The following MYO15A variants were observed in gnomAD, a reference collection of about 807,000 sequenced individuals.
The protein encoded by MYO15A is unconventional myosin-XV.
MYO15A carries 308 observed loss-of-function variants against 394.6 expected under a neutral mutation model. The observed-to-expected ratio is 0.78, with a 90% CI of 0.71 to 0.86. The LOEUF is 0.86. Ranked by LOEUF, MYO15A falls within the 40% of genes least tolerant of loss-of-function variation. The pLI, the probability that MYO15A is intolerant of heterozygous loss-of-function variation, is 0.00. For synonymous variants in MYO15A, 1,957 were observed against 2,003.8 expected (o/e 0.98, Z 0.62); for missense variants, 4,606 against 4,799.1 (o/e 0.96, Z 1.19).
chr17:18,119,543 G>A lies in MYO15A; in HGVS notation c.743G>A (p.Arg248Gln), dbSNP rs562862820. The change falls in exon 2 of 66, where the codon CGG (arginine) becomes CAG (glutamine). Residue 248 changes from arginine to glutamine, a missense_variant. Coordinates refer to ENST00000647165, the MANE Select transcript of MYO15A (RefSeq NM_016239.4). ...CGCGACGGCGACGACTACTACGACC[G>A]GCAGTCACTCCACCGCTACGAGGAG... Reference protein sequence around the residue: ...YHRDGDDYYDRQSLHRYEEQE... With the variant: ...YHRDGDDYYDQQSLHRYEEQE... 2.5e-6 allele frequency: 4 copies of A among 1,608,754 alleles called. No homozygotes were observed. Among genetic ancestry groups the A allele is most frequent in the Non-Finnish European group, 2.5e-6 (3 of 1,179,962 alleles).
chr17:18,167,721 C>A lies in MYO15A; in HGVS notation c.10080C>A (p.Ser3360Arg). 1 of 1,602,920 alleles carries A rather than the reference C, an allele frequency of 6.2e-7. No homozygotes were observed. Among genetic ancestry groups the A allele is most frequent in the Non-Finnish European group, 8.5e-7 (1 of 1,179,928 alleles). ...HRAKDHFYLP[S>R]VREVQEYIPA... ...CCAAGGACCACTTCTACCTGCCGAG[C>A]GTGTGAGCATCTGCCCTCCTGCCTC... Residue 3360 changes from serine to arginine, a missense_variant and splice_region_variant, in exon 62 of 66, where the codon AGC becomes AGA. Around this residue, in one of 2 missense-constraint regions of MYO15A, gnomAD observed 2,776 missense variants for 3,109.3 expected, o/e 0.89. Transcript: ENST00000647165.
At chr17:18,130,438 G>A (rs1382418911) in intron 7 of MYO15A, among the ~76,000 whole-genome samples, 1 of 151,890 alleles carries the variant, frequency 6.6e-6, no homozygotes, top group Non-Finnish European at 1.5e-5. Context: ...GCAGGTGCGT[G>A]GGAGCAGTGA....
intron 12 of MYO15A, 127 bp downstream of exon 12, chr17:18,133,513 T>A (rs2142307981): frequency 7.6e-7 from 1 of 1,312,520 alleles, no homozygotes; most frequent in African/African-American, 1.5e-5. Context: ...TTTTTTCTTT[T>A]TTCCTTTGGG....
intron 1 of MYO15A, among the ~76,000 whole-genome samples, chr17:18,115,905 T>C (rs1266170883): frequency 6.6e-6 from 1 of 152,178 alleles, no homozygotes; most frequent in Admixed American, 6.5e-5. Flanking sequence ...CAACCCCACT[T>C]CTTGCTGTCC....
intron 60 of MYO15A, chr17:18,164,166 A>C (rs1388346493): frequency 2.5e-6 from 1 of 394,162 alleles, no homozygotes; most frequent in Admixed American, 3.7e-5. Context: ...ATAGCGCCGC[A>C]TATTATGGAA....
Position 18,166,309 on chromosome 17 carries a change from CAT to C in MYO15A, c.9788-51_9788-50del, listed in dbSNP as rs978252081. The C allele has an allele frequency of 2.5e-4, 394 of 1,601,518 alleles. 1 individual carries two copies. The highest frequency in any genetic ancestry group is 3.1e-4 in the South Asian group (28 of 90,964). Reference sequence around the variant, plus strand: ...CACACATGCTCTGTACAGGTGCACACATGTGTGTGCACACATGCCCCCACCCA... The same window carrying C: ...CACACATGCTCTGTACAGGTGCACACGTGTGTGCACACATGCCCCCACCCA... On this transcript the variant is annotated intron_variant, in intron 60 of 65. Coordinates refer to ENST00000647165, the MANE Select transcript of MYO15A (RefSeq NM_016239.4).
intron 7 of MYO15A, among the ~76,000 whole-genome samples, chr17:18,128,907 T>G (rs561672280): frequency 1.3e-5 from 2 of 152,122 alleles, no homozygotes; most frequent in East Asian, 1.9e-4. Flanking sequence ...ACACAGAATG[T>G]GTGAGGATGT....
At chr17:18,162,700 G>A in intron 58 of MYO15A, 21 bp downstream of exon 58, 3 of 1,612,314 alleles carry the variant, frequency 1.9e-6, no homozygotes, top group Non-Finnish European at 2.5e-6. Context: ...GGTGGGAGTG[G>A]GTTCAAAATG....
chr17:18,178,496 A>AG (rs994049300), intron 65 of MYO15A: 32 of 574,338 alleles, frequency 5.6e-5, no homozygotes, highest in Non-Finnish European at 9.9e-5. Flanking sequence ...AGAGAGGTGA[A>AG]GCGATAGACC....
In MYO15A at chr17:18,153,781, C is replaced by T. The variant is rs776851047; in HGVS notation, c.7973C>T (p.Pro2658Leu). Reference sequence around the variant, plus strand: ...TGATCCCCGCGCTCTCCAGCTCTGCCCTCGCGATCGCTGGAGCCCCCTGAG... The same window carrying T: ...TGATCCCCGCGCTCTCCAGCTCTGCTCTCGCGATCGCTGGAGCCCCCTGAG... ...RPSMAPTSAL[P>L]SRSLEPPEEL... The change falls in exon 43 of 66, where the codon CCC becomes CTC. Residue 2658 changes from proline (P) to leucine (L), a missense_variant. Transcript: ENST00000647165. This position sits in a 1 kb window ranked among gnomAD's most constrained non-coding sequence, Gnocchi z 4.1. 3 of 1,613,634 alleles carry T rather than the reference C, an allele frequency of 1.9e-6. No individual in the cohort carries two copies. In the Admixed American group the frequency reaches 5.0e-5, roughly 27 times the overall value.
chr17:18,141,044 T>C lies in MYO15A; in HGVS notation c.5432T>C (p.Val1811Ala), dbSNP rs1040772196. The C allele has an allele frequency of 8.7e-6, 14 of 1,613,904 alleles. No homozygotes were observed. In the African/African-American group the frequency reaches 1.2e-4, roughly 14 times the overall value. Residue 1811 changes from valine to alanine, a missense_variant, in exon 22 of 66, where the codon GTG becomes GCG. By Grantham distance (64) the Val-to-Ala change is moderately conservative. Transcript: ENST00000647165. ...KKEPGLFEPDVVMAQLRYSGV... is the reference protein window; with the variant it reads ...KKEPGLFEPDAVMAQLRYSGV... ...GAGCCAGGTCTCTTTGAGCCAGATG[T>C]GGTAATGGCACAATTACGCTATTCA...
intron 57 of MYO15A, 58 bp from the exon 58 acceptor site, chr17:18,162,527 C>A: frequency 6.6e-7 from 1 of 1,505,748 alleles, no homozygotes; most frequent in Non-Finnish European, 9.2e-7. Flanking sequence ...GCAAGAGGAG[C>A]GAGCCCCTTT....
intron 4 of MYO15A, 62 bp downstream of exon 4, chr17:18,125,293 C>A: frequency 6.7e-7 from 1 of 1,494,850 alleles, no homozygotes; most frequent in Non-Finnish European, 9.3e-7. Context: ...CTCCTGGGGC[C>A]GGGTGGGACG....
intron 63 of MYO15A, 152 bp from the exon 64 acceptor site, chr17:18,172,005 T>C: frequency 7.1e-7 from 1 of 1,403,828 alleles, no homozygotes; most frequent in Non-Finnish European, 9.8e-7. Flanking sequence ...GAAGAGGCCA[T>C]GAGAAGGGAG....
At position 18,171,321 on chromosome 17, in the gene MYO15A, C is replaced by T. The variant is rs138345327; in HGVS notation, c.10083-317C>T. ...ATGAAGGATGAAATTGCCTTGGGTT[C>T]ACATCTTGCCCCCACCAACCCATGC... On this transcript the variant is annotated intron_variant, in intron 62 of 65. Coordinates refer to ENST00000647165, the MANE Select transcript of MYO15A (RefSeq NM_016239.4). 4.8e-4 allele frequency among the ~76,000 whole-genome samples: 73 copies of T among 152,332 alleles called. No individual in the cohort carries two copies. The Middle Eastern group carries it at 0.017, about 35-fold the overall frequency.
Position 18,119,606 on chromosome 17 carries a change from CG to C in MYO15A, c.808del (p.Ala270ProfsTer174). 1 of 1,603,894 alleles carries C rather than the reference CG, an allele frequency of 6.2e-7. No individual in the cohort carries two copies. ...PYLAGLGPYS[P>X]AWPPYGDHYY... is the part of the protein sequence containing the mutation. ...CTGGCGGGCCTCGGCCCCTACAGCCCGGCCTGGCCACCCTACGGCGACCACT... is the reference window on the plus strand; with the variant it reads ...CTGGCGGGCCTCGGCCCCTACAGCCCGCCTGGCCACCCTACGGCGACCACT... On this transcript the variant is annotated frameshift_variant, in exon 2 of 66. Coordinates refer to ENST00000647165, the MANE Select transcript of MYO15A (RefSeq NM_016239.4). LOFTEE classifies it high-confidence loss of function.
At position 18,173,796 on chromosome 17, in the gene MYO15A, T is replaced by A. The variant is rs764448545; in HGVS notation, c.10366T>A (p.Phe3456Ile). 1.9e-6 allele frequency: 3 copies of A among 1,613,830 alleles called. No individual in the cohort carries two copies. The highest frequency in any genetic ancestry group is 2.5e-6 in the Non-Finnish European group (3 of 1,180,032). Reference sequence around the variant, plus strand: ...CTACTCCCAGGAATTGATGGTGAAGTTCCCCCTGAAGGAGATCCAGTCGAC... The same window carrying A: ...CTACTCCCAGGAATTGATGGTGAAGATCCCCCTGAAGGAGATCCAGTCGAC... ...STETHELMVK[F>I]PLKEIQSTRT... Residue 3456 changes from phenylalanine to isoleucine, a missense_variant, in exon 65 of 66, where the codon TTC (phenylalanine) becomes ATC (isoleucine). Physicochemically the swap from Phe to Ile is conservative, Grantham distance 21. Coordinates refer to ENST00000647165, the MANE Select transcript of MYO15A (RefSeq NM_016239.4).
intron 17 of MYO15A, 23 bp downstream of exon 17, chr17:18,138,269 G>A: frequency 6.2e-7 from 1 of 1,609,130 alleles, no homozygotes; most frequent in African/African-American, 1.3e-5. Flanking sequence ...CACTGTGTGA[G>A]CCTAGTCAGG....
chr17:18,126,513 T>G (rs939147005), intron 5 of MYO15A, 57 bp downstream of exon 5: 2 of 1,505,758 alleles, frequency 1.3e-6, no homozygotes, highest in Admixed American at 3.6e-5. Context: ...TCCCCTGCTC[T>G]GGGAGCCTGG....
Sources: allele counts gnomAD v4.1 joint callset (sites outside exome capture counted in the v4.1 genomes callset), GRCh38; gene constraint gnomAD v4.1.1; regional missense constraint gnomAD v4.1.1; non-coding constraint Gnocchi (gnomAD v3.1); transcripts MANE v1.5; gene names NCBI Gene and HGNC (gene_info 2026-07-23, HGNC 2026-07-21).